Variants in COL4A4 observed in about 807,000 individuals in gnomAD.
COL4A4 encodes collagen type IV alpha 4 chain, also known as collagen alpha-4(IV) chain.
COL4A4 carries 105 observed loss-of-function variants against 192.9 expected under a neutral mutation model. The observed-to-expected ratio is 0.54, with a 90% CI of 0.46 to 0.64. The LOEUF (loss-of-function observed/expected upper bound fraction) is 0.64, where lower values mean the gene tolerates loss of function less well. Ranked by LOEUF, COL4A4 falls within the 30% of genes least tolerant of loss-of-function variation. The pLI is 0.00. For synonymous variants in COL4A4, 762 were observed against 769.9 expected (o/e 0.99, Z 0.17); for missense variants, 1,967 against 2,169.3 (o/e 0.91, Z 1.85).
intron 4 of COL4A4, among the ~76,000 whole-genome samples, chr2:227,128,749 C>A (rs2062236715): frequency 6.6e-6 from 1 of 152,150 alleles, no homozygotes; most frequent in Non-Finnish European, 1.5e-5. Flanking sequence ...CTTGTCAACT[C>A]TCGCACGGGT....
chr2:227,094,080 A>T (rs1291735037), intron 20 of COL4A4, 45 bp downstream of exon 20: 16 of 1,561,706 alleles, frequency 1.0e-5, no homozygotes, highest in Non-Finnish European at 1.4e-5. Flanking sequence ...TGCAAATATC[A>T]AAAGCAGCAT....
the COL4A4 span, among the ~76,000 whole-genome samples, chr2:226,980,356 C>A: frequency 6.6e-6 from 1 of 152,096 alleles, no homozygotes; most frequent in Admixed American, 6.5e-5. Context: ...TGTAAGACAC[C>A]GGTATCCACT....
At chr2:227,030,334 T>C (rs959301628) in intron 41 of COL4A4, 109 bp downstream of exon 41, 8 of 1,204,428 alleles carry the variant, frequency 6.6e-6, no homozygotes, top group African/African-American at 4.5e-5. Flanking sequence ...TTTTGGAAGG[T>C]AGTCACTTTG....
chr2:227,010,197 A>G, intron 46 of COL4A4, 116 bp downstream of exon 46: 1 of 1,124,822 alleles, frequency 8.9e-7, no homozygotes, highest in African/African-American at 1.5e-5. Flanking sequence ...TTTTGTTTTA[A>G]AAGTAAGAAT....
intron 37 of COL4A4, among the ~76,000 whole-genome samples, chr2:227,037,192 C>T (rs559461825): frequency 3.3e-5 from 5 of 152,098 alleles, no homozygotes; most frequent in East Asian, 1.9e-4. Flanking sequence ...CCCATCAACC[C>T]GACATCTGTA....
chr2:227,008,161 CAG>C lies in COL4A4; in HGVS notation c.4664_4665del (p.Ser1555Ter), dbSNP rs761135603. 1.9e-6 allele frequency: 3 copies of C among 1,614,104 alleles called. No individual in the cohort carries two copies. The highest frequency in any genetic ancestry group is 2.5e-6 in the Non-Finnish European group (3 of 1,179,936). Reference protein sequence around the residue: ...SAAPLPMMPLSEEAIRPYVSR... With the variant: ...SAAPLPMMPLXEEAIRPYVSR... Reference sequence around the variant, plus strand: ...CTGACATAGGGGCGGATCGCCTCTTCAGAGAGTGGCATCATGGGGAGGGGCGC... The same window carrying C: ...CTGACATAGGGGCGGATCGCCTCTTCAGAGTGGCATCATGGGGAGGGGCGC... On this transcript the variant is annotated frameshift_variant, in exon 47 of 48. Transcript: ENST00000396625. LOFTEE classifies it high-confidence loss of function.
intron 25 of COL4A4, among the ~76,000 whole-genome samples, chr2:227,073,185 A>C (rs188273749): frequency 1.2e-3 from 187 of 152,208 alleles, no homozygotes; most frequent in Non-Finnish European, 1.7e-3. Context: ...TATGATAAAC[A>C]AATTCAGTAA....
intron 25 of COL4A4, 112 bp from the exon 26 acceptor site, chr2:227,062,710 T>A: frequency 1.3e-6 from 1 of 777,540 alleles, no homozygotes; most frequent in Admixed American, 2.1e-5. Context: ...TATGCAGAAG[T>A]CAAAGAAAAA....
In COL4A4 at chr2:227,088,703, T is replaced by C; in HGVS notation, c.1573A>G (p.Thr525Ala). The change falls in exon 22 of 48, where the codon ACA becomes GCA. Residue 525 changes from threonine (T) to alanine (A), a missense_variant. By Grantham distance (58) the Thr-to-Ala change is moderately conservative. Coordinates refer to ENST00000396625, the MANE Select transcript of COL4A4 (RefSeq NM_000092.5). ...GDLGLPGWLG[T>A]KGDPGPPGAE... is the part of the protein sequence containing the mutation. ...CCAGGAGGTCCTGGGTCACCTTTTG[T>C]TCCAAGCCAGCCAGGGAGCCCCAAG... 1 of 1,614,112 alleles carries C rather than the reference T, an allele frequency of 6.2e-7. No individual in the cohort carries two copies. The highest frequency in any genetic ancestry group is 1.3e-5 in the African/African-American group (1 of 75,046).
At chr2:226,982,203 T>C in the COL4A4 span, among the ~76,000 whole-genome samples, 25 of 152,368 alleles carry the variant, frequency 1.6e-4, no homozygotes, top group Admixed American at 1.4e-3. Flanking sequence ...TGGTTACCTT[T>C]GATACCAGCC....
intron 44 of COL4A4, among the ~76,000 whole-genome samples, chr2:227,017,196 A>G (rs149888788): frequency 6.6e-6 from 1 of 152,346 alleles, no homozygotes; most frequent in East Asian, 1.9e-4. Flanking sequence ...ACTCATGGTG[A>G]GATCACTATA....
At chr2:226,972,589 C>A in the COL4A4 span, among the ~76,000 whole-genome samples, 1 of 152,170 alleles carries the variant, frequency 6.6e-6, no homozygotes, top group Non-Finnish European at 1.5e-5. Context: ...GCTTCATGGA[C>A]GGAGCTTCTG....
At chr2:226,989,464 T>C in the COL4A4 span, among the ~76,000 whole-genome samples, 2 of 152,208 alleles carry the variant, frequency 1.3e-5, no homozygotes, top group African/African-American at 4.8e-5. Context: ...TCCTCATATC[T>C]TGATCTGGAT....
At chr2:227,024,228 T>C (rs932777345) in intron 43 of COL4A4, among the ~76,000 whole-genome samples, 1 of 152,182 alleles carries the variant, frequency 6.6e-6, no homozygotes. Flanking sequence ...AGGTATCATC[T>C]GGCCGGGCAT....
chr2:227,159,026 T>G (rs1363986124), intron 1 of COL4A4, among the ~76,000 whole-genome samples: 1 of 152,202 alleles, frequency 6.6e-6, no homozygotes, highest in Non-Finnish European at 1.5e-5. Context: ...CATAGTAGCT[T>G]GATTTGTAGT....
At chr2:227,158,474 A>G (rs1413571621) in intron 1 of COL4A4, among the ~76,000 whole-genome samples, 1 of 152,098 alleles carries the variant, frequency 6.6e-6, no homozygotes, top group Non-Finnish European at 1.5e-5. Context: ...AAAAAATTAT[A>G]AATTATATTC....
chr2:227,119,504 T>G (rs958476285), intron 6 of COL4A4, among the ~76,000 whole-genome samples: 4 of 148,598 alleles, frequency 2.7e-5, no homozygotes, highest in Non-Finnish European at 5.9e-5. Context: ...ATATCGTATA[T>G]ACTATAGATT....
In COL4A4 at chr2:227,003,300, T is replaced by C. The variant is rs1386669043; in HGVS notation, c.*4025A>G. 1.3e-5 allele frequency: 2 copies of C among 152,336 alleles called. No homozygotes were observed. The highest frequency in any genetic ancestry group is 1.9e-4 in the East Asian group (1 of 5,184). 9.4% of individuals were successfully genotyped at this position (152,336 alleles called of 1,614,324 possible). A position where few individuals can be genotyped will look rare whatever the true frequency, so the allele number is the denominator to read the frequency against. The stretch of plus-strand genomic sequence containing the variant: ...CATAGTAAGTGTATGATGATGGGTA[T>C]GCTAGACAGGTAATCTAACTTAATT... On this transcript the variant is annotated 3_prime_UTR_variant, in exon 48 of 48. Coordinates refer to ENST00000396625, the MANE Select transcript of COL4A4 (RefSeq NM_000092.5).
At chr2:227,058,104 T>A (rs970323216) in intron 28 of COL4A4, among the ~76,000 whole-genome samples, 2 of 152,240 alleles carry the variant, frequency 1.3e-5, no homozygotes, top group African/African-American at 4.8e-5. Flanking sequence ...TACATTTTGG[T>A]TCATATGTTT....
Sources: gnomAD v4.1 joint callset for allele counts (sites outside exome capture counted in the v4.1 genomes callset) on GRCh38, gnomAD v4.1.1 for gene constraint, MANE v1.5 for transcripts, NCBI Gene and HGNC (gene_info 2026-07-23, HGNC 2026-07-21) for gene names.